CDKL5: variants seen among roughly 807,000 people sequenced by gnomAD.
CDKL5 encodes the protein cyclin dependent kinase like 5.
A neutral mutation model predicts 61.7 loss-of-function variants in CDKL5; 8 were observed. That is an observed-to-expected ratio of 0.13 (90% confidence interval 0.08 to 0.23). CDKL5 has a LOEUF of 0.23. Ranked by LOEUF, CDKL5 falls within the 10% of genes least tolerant of loss-of-function variation. CDKL5 has a pLI of 1.00. For missense variants in CDKL5, 440 were observed against 734.5 expected, an observed-to-expected ratio of 0.60 and a Z score of 4.63; for synonymous variants, 275 against 272.3, an observed-to-expected ratio of 1.01 and a Z score of -0.10.
rs753265066 is a variant in CDKL5, at chrX:18,579,758, A to G, written c.283-90A>G. 3.8e-5 allele frequency: 34 copies of G among 895,800 alleles called. No homozygotes were observed. The East Asian group carries it at 1.0e-3, about 27-fold the overall frequency. 73.8% of individuals were successfully genotyped at this position (895,800 alleles called of 1,213,427 possible). A position where few individuals can be genotyped will look rare whatever the true frequency, so the allele number is the denominator to read the frequency against. ...ATTAAAAAAAAAAGCTCTGTATTGG[A>G]TGAATTATTCTAGATGCTTTGTAAA... On this transcript the variant is annotated intron_variant, in intron 5 of 17. Transcript: ENST00000623535.
rs1057522669 is a variant in CDKL5 at position 18,650,441 on chromosome X, G to A, written c.2829G>A (p.Lys943=). The A allele has an allele frequency of 4.1e-6, 5 of 1,211,872 alleles. No individual in the cohort carries two copies. Among genetic ancestry groups the A allele is most frequent in the Admixed American group, 2.2e-5 (1 of 46,076 alleles). ...ACTTCTGCTGTGGTGACCCAAAGAAGCCTCACACTCCGTGCGTCCCAAACC... is the reference window on the plus strand; with the variant it reads ...ACTTCTGCTGTGGTGACCCAAAGAAACCTCACACTCCGTGCGTCCCAAACC... The change falls in exon 21 of 22, where the codon AAG becomes AAA. Residue 943 remains lysine, a synonymous_variant. Transcript: ENST00000379989.
At chrX:18,550,878 C>G (rs183977642) in intron 3 of CDKL5, among the ~76,000 whole-genome samples, 37 of 113,006 alleles carry the variant, frequency 3.3e-4, no homozygotes, top group Non-Finnish European at 5.6e-4. Context: ...GCCATGTAGT[C>G]TTCAAAATTC....
intron 1 of CDKL5, among the ~76,000 whole-genome samples, chrX:18,439,578 G>A (rs180926476): frequency 2.9e-4 from 32 of 111,166 alleles, no homozygotes; most frequent in Non-Finnish European, 1.9e-5. Flanking sequence ...GGTGGCTCAC[G>A]CTATATCCCA....
intron 3 of CDKL5, among the ~76,000 whole-genome samples, chrX:18,557,869 G>C (rs1924660091): frequency 8.9e-6 from 1 of 111,797 alleles, no homozygotes; most frequent in African/African-American, 3.2e-5. Context: ...TAGTGATTGA[G>C]GCTTGATTTT....
chrX:18,450,636 G>A (rs1931991107), intron 1 of CDKL5, among the ~76,000 whole-genome samples: 1 of 110,232 alleles, frequency 9.1e-6, no homozygotes. Context: ...GTGCAATGGC[G>A]CAGTCTTGGC....
intron 1 of CDKL5, among the ~76,000 whole-genome samples, chrX:18,468,341 A>G (rs998276374): frequency 8.9e-6 from 1 of 112,488 alleles, no homozygotes; most frequent in Non-Finnish European, 1.9e-5. Context: ...TAAACTCTAT[A>G]GTAAACTCAA....
chrX:18,472,859 G>A (rs142083690), intron 1 of CDKL5, among the ~76,000 whole-genome samples: 1,522 of 109,340 alleles, frequency 0.014, 65 homozygotes, highest in Admixed American at 0.13. Context: ...GCTGAAAATA[G>A]TTTTCATTTA....
At chrX:18,596,224 A>G (rs1002051393) in intron 10 of CDKL5, among the ~76,000 whole-genome samples, 1 of 111,352 alleles carries the variant, frequency 9.0e-6, no homozygotes, top group Non-Finnish European at 1.9e-5. Flanking sequence ...TAAAAGGCAT[A>G]CTTAGCACAG....
intron 1 of CDKL5, among the ~76,000 whole-genome samples, chrX:18,476,236 TGGG>T (rs1220859013): frequency 9.0e-6 from 1 of 111,192 alleles, no homozygotes; most frequent in Non-Finnish European, 1.9e-5. Context: ...ATTTTTGAGA[TGGG>T]GGGTTTCACT....
chrX:18,456,196 C>G (rs1484684701), intron 1 of CDKL5, among the ~76,000 whole-genome samples: 1 of 110,162 alleles, frequency 9.1e-6, no homozygotes, highest in African/African-American at 3.3e-5. Flanking sequence ...CCCACCACCA[C>G]GCCCAGCTAA....
downstream of CDKL5, chrX:18,644,408 G>A: frequency 8.3e-7 from 1 of 1,207,823 alleles, no homozygotes; most frequent in Non-Finnish European, 1.1e-6. Flanking sequence ...GCTGAAGTTG[G>A]TTTGGGATAA....
At chrX:18,585,413 C>CA (rs1424923238) in intron 8 of CDKL5, among the ~76,000 whole-genome samples, 2 of 110,301 alleles carry the variant, frequency 1.8e-5, no homozygotes, top group South Asian at 3.8e-4. Flanking sequence ...AAAAAAACCC[C>CA]AAAAAACAAA....
At chrX:18,446,335 G>A (rs1931876305) in intron 1 of CDKL5, among the ~76,000 whole-genome samples, 1 of 105,585 alleles carries the variant, frequency 9.5e-6, no homozygotes, top group Non-Finnish European at 1.9e-5. Flanking sequence ...TGGGCAACAA[G>A]AACAAAACTC....
intron 1 of CDKL5, among the ~76,000 whole-genome samples, chrX:18,460,437 C>G (rs1932257726): frequency 8.9e-6 from 1 of 111,955 alleles, no homozygotes; most frequent in Non-Finnish European, 1.9e-5. Flanking sequence ...ACAATTGAAC[C>G]TGAGATTTGG....
chrX:18,541,534 C>T (rs1234306972), intron 3 of CDKL5, among the ~76,000 whole-genome samples: 2 of 110,936 alleles, frequency 1.8e-5, no homozygotes, highest in Non-Finnish European at 3.8e-5. Context: ...TGTTGTTGTT[C>T]GTTTTTGTTT....
At chrX:18,531,983 G>A (rs940349581) in intron 3 of CDKL5, among the ~76,000 whole-genome samples, 2 of 111,539 alleles carry the variant, frequency 1.8e-5, no homozygotes, top group African/African-American at 6.5e-5. Context: ...TGGGATTACA[G>A]GCGTGAGCCA....
intron 3 of CDKL5, among the ~76,000 whole-genome samples, chrX:18,533,230 G>T (rs1348616507): frequency 9.0e-6 from 1 of 111,705 alleles, no homozygotes; most frequent in Non-Finnish European, 1.9e-5. Flanking sequence ...AGATCTATTT[G>T]TGTAGCATGC....
intron 17 of CDKL5, among the ~76,000 whole-genome samples, chrX:18,625,836 T>C (rs1198027232): frequency 8.9e-6 from 1 of 112,010 alleles, no homozygotes; most frequent in Non-Finnish European, 1.9e-5. Context: ...ATTTTTCAGG[T>C]ATCTGAGGTT....
At chrX:18,458,786 C>A (rs1284615016) in intron 1 of CDKL5, among the ~76,000 whole-genome samples, 1 of 112,252 alleles carries the variant, frequency 8.9e-6, no homozygotes. Context: ...GTTCAGATAC[C>A]CAATAGCCAC....
Sources: allele counts gnomAD v4.1 joint callset (sites outside exome capture counted in the v4.1 genomes callset), GRCh38; gene constraint gnomAD v4.1.1; transcripts MANE v1.5; gene names NCBI Gene and HGNC (gene_info 2026-07-23, HGNC 2026-07-21).